EEIG2: variants seen among roughly 807,000 people sequenced by gnomAD.
EEIG2 encodes the protein EEIG family member 2, also known as family with sequence similarity 102 member B.
the EEIG2 span, among the ~76,000 whole-genome samples, chr1:108,634,556 G>A: frequency 4.6e-5 from 7 of 152,176 alleles, no homozygotes; most frequent in African/African-American, 7.2e-5. Flanking sequence ...TGGGCCAGGC[G>A]TGGTGGCTCA....
At chr1:108,630,499 A>G in the EEIG2 span, among the ~76,000 whole-genome samples, 1 of 152,242 alleles carries the variant, frequency 6.6e-6, no homozygotes, top group East Asian at 1.9e-4. Flanking sequence ...TGGGTGCAGC[A>G]CACCAACATG....
chr1:108,635,262 A>G, the EEIG2 span: 8 of 1,394,770 alleles, frequency 5.7e-6, no homozygotes, highest in South Asian at 9.7e-5. Context: ...ATCAAGAGGA[A>G]AGCCAATGCT....
chr1:108,606,341 A>T, the EEIG2 span: 1 of 871,356 alleles, frequency 1.1e-6, no homozygotes, highest in Non-Finnish European at 1.7e-6. Context: ...TTACTCTTCT[A>T]ATATCTGTTC....
the EEIG2 span, among the ~76,000 whole-genome samples, chr1:108,570,957 G>A: frequency 4.6e-5 from 7 of 152,126 alleles, no homozygotes; most frequent in African/African-American, 9.7e-5. Flanking sequence ...GGATATTAAC[G>A]CTTGGGATTA....
chr1:108,631,547 T>C, the EEIG2 span, among the ~76,000 whole-genome samples: 1 of 152,060 alleles, frequency 6.6e-6, no homozygotes, highest in African/African-American at 2.4e-5. Context: ...TTTGGGAGAA[T>C]AAAAAATAAG....
At chr1:108,569,651 T>C in the EEIG2 span, among the ~76,000 whole-genome samples, 4 of 152,312 alleles carry the variant, frequency 2.6e-5, no homozygotes, top group East Asian at 7.7e-4. Context: ...AGGCCCTTTC[T>C]AACTCCAAAA....
chr1:108,573,139 T>A, the EEIG2 span, among the ~76,000 whole-genome samples: 21,308 of 152,126 alleles, frequency 0.14, 2,259 homozygotes, highest in African/African-American at 0.3. Context: ...CTGGATCATA[T>A]CAGAAGAGTA....
the EEIG2 span, chr1:108,638,597 C>T: frequency 6.6e-6 from 1 of 152,124 alleles, no homozygotes; most frequent in East Asian, 1.9e-4. Context: ...TTAAATTGGG[C>T]AGTTCTGAAA....
At chr1:108,561,159 G>T in the EEIG2 span, among the ~76,000 whole-genome samples, 1 of 152,210 alleles carries the variant, frequency 6.6e-6, no homozygotes, top group Non-Finnish European at 1.5e-5. Flanking sequence ...AGGTCTCCTT[G>T]TGGGAGGGCT....
At chr1:108,637,634 T>A in the EEIG2 span, 124 of 152,334 alleles carry the variant, frequency 8.1e-4, 4 homozygotes, top group Admixed American at 6.0e-3. Context: ...AATTTGCAGA[T>A]GTATACAATA....
chr1:108,596,176 GT>G, the EEIG2 span, among the ~76,000 whole-genome samples: 347 of 138,734 alleles, frequency 2.5e-3, no homozygotes, highest in East Asian at 0.015. Flanking sequence ...TTCTTAGTGG[GT>G]TTTTTTTTTT....
the EEIG2 span, among the ~76,000 whole-genome samples, chr1:108,584,937 C>CA: frequency 2.0e-5 from 3 of 151,754 alleles, no homozygotes; most frequent in African/African-American, 7.2e-5. Flanking sequence ...ATAGTCCTTC[C>CA]AAAAAAAGGT....
At chr1:108,561,689 ACTGTGGTGAC>A in the EEIG2 span, among the ~76,000 whole-genome samples, 1 of 152,228 alleles carries the variant, frequency 6.6e-6, no homozygotes, top group Admixed American at 6.5e-5. Context: ...TTAAAATTAA[ACTGTGGTGAC>A]ACATCAGTGG....
chr1:108,618,506 C>T, the EEIG2 span, among the ~76,000 whole-genome samples: 1 of 152,062 alleles, frequency 6.6e-6, no homozygotes, highest in East Asian at 1.9e-4. Flanking sequence ...TCATTGATAC[C>T]ATTGAAATAT....
At chr1:108,613,061 C>A in the EEIG2 span, among the ~76,000 whole-genome samples, 25 of 152,198 alleles carry the variant, frequency 1.6e-4, no homozygotes, top group Admixed American at 1.2e-3. Context: ...TTATTATGGC[C>A]AGTCCAATGC....
chr1:108,608,801 C>T, the EEIG2 span, among the ~76,000 whole-genome samples: 4 of 152,288 alleles, frequency 2.6e-5, no homozygotes, highest in South Asian at 2.1e-4. Flanking sequence ...ATTTAAACAA[C>T]GTTTATTTCC....
At chr1:108,568,892 A>G in the EEIG2 span, among the ~76,000 whole-genome samples, 1 of 152,192 alleles carries the variant, frequency 6.6e-6, no homozygotes, top group Admixed American at 6.5e-5. Flanking sequence ...TCCAGCCCCA[A>G]GGTTGAGAAA....
At chr1:108,616,148 G>C in the EEIG2 span, among the ~76,000 whole-genome samples, 1 of 132,846 alleles carries the variant, frequency 7.5e-6, no homozygotes, top group Non-Finnish European at 1.6e-5. Flanking sequence ...TTTTTTAATA[G>C]AGACAGGGTC....
chr1:108,608,358 C>T, the EEIG2 span, among the ~76,000 whole-genome samples: 71 of 152,314 alleles, frequency 4.7e-4, 1 homozygote, highest in East Asian at 0.013. Flanking sequence ...AATCTGTTCA[C>T]TTTTCTATCC....
Sources: allele counts gnomAD v4.1 joint callset (sites outside exome capture counted in the v4.1 genomes callset), GRCh38; gene constraint gnomAD v4.1.1; transcripts MANE v1.5; gene names NCBI Gene and HGNC (gene_info 2026-07-23, HGNC 2026-07-21).